Variants in IFITM10 observed in about 807,000 individuals in gnomAD.
IFITM10 encodes the protein interferon-induced transmembrane protein 10.
A neutral mutation model predicts 19.0 loss-of-function variants in IFITM10; 17 were observed. The observed-to-expected ratio is 0.90, with a 90% CI of 0.61 to 1.34. The LOEUF is 1.34. Among genes scored for constraint, IFITM10 ranks in the 40% most tolerant of loss-of-function variants. The probability of loss-of-function intolerance (pLI) is 0.00; values close to 1 mark genes in which losing one functional copy is unlikely to be tolerated. For synonymous variants in IFITM10, 148 were observed against 147.2 expected (o/e 1.01, Z -0.04); for missense variants, 306 against 319.8 (o/e 0.96, Z 0.33).
rs1851072004 is a variant in IFITM10 at position 1,735,156 on chromosome 11, T to C, written c.*124A>G. 1.8e-6 allele frequency: 2 copies of C among 1,083,104 alleles called. No homozygotes were observed. The highest frequency in any genetic ancestry group is 2.6e-6 in the Non-Finnish European group (2 of 761,906). 67.1% of individuals were successfully genotyped at this position (1,083,104 alleles called of 1,614,324 possible). ...ATGGCCTTGCTGCCCAGTTCACAGC[T>C]CAAGGGGGCCCCAGGACAAGAAGCC... On this transcript the variant is annotated 3_prime_UTR_variant, in exon 3 of 3. Transcript: ENST00000340134.
chr11:1,737,263 ATGTC>A (rs1408662204), intron 2 of IFITM10, among the ~76,000 whole-genome samples: 2 of 152,240 alleles, frequency 1.3e-5, no homozygotes, highest in African/African-American at 4.8e-5. Flanking sequence ...TTAAAATTGC[ATGTC>A]TAACTGATTT....
rs923485467 is a variant in IFITM10 at position 1,733,133 on chromosome 11, C to T, written c.*2147G>A. On this transcript the variant is annotated 3_prime_UTR_variant, in exon 3 of 3. Coordinates refer to ENST00000340134, the MANE Select transcript of IFITM10 (RefSeq NM_001170820.4). This position sits in a 1 kb window ranked among gnomAD's most constrained non-coding sequence, Gnocchi z 6.3. ...AAGCCTCTGGGTCTAATGGTGCAAG[C>T]ATCCGAAGTGCCCACAACCAGGCTG... 2 of 152,250 alleles carry T rather than the reference C, an allele frequency of 1.3e-5. No homozygotes were observed. The highest frequency in any genetic ancestry group is 4.8e-5 in the African/African-American group (2 of 41,392). The allele number at this position is 152,250 out of a possible 1,614,324, so 9.4% of individuals were successfully genotyped here. A position where few individuals can be genotyped will look rare whatever the true frequency, so the allele number is the denominator to read the frequency against.
Position 1,734,040 on chromosome 11 carries a change from T to C in IFITM10, c.*1240A>G, listed in dbSNP as rs1007292503. ...TGCGCACCTGAGCTGCGGGATTTCC[T>C]GCGGTTTCCCAGACCAGCTGGGCAC... On this transcript the variant is annotated 3_prime_UTR_variant, in exon 3 of 3. Transcript: ENST00000340134. 1 of 152,374 alleles carries C rather than the reference T, an allele frequency of 6.6e-6. No individual in the cohort carries two copies. The highest frequency in any genetic ancestry group is 1.5e-5 in the Non-Finnish European group (1 of 68,140). 9.4% of individuals were successfully genotyped at this position (152,374 alleles called of 1,614,324 possible).
At chr11:1,747,360 C>T (rs1353584996) in intron 2 of IFITM10, among the ~76,000 whole-genome samples, 1 of 152,140 alleles carries the variant, frequency 6.6e-6, no homozygotes, top group Admixed American at 6.5e-5. Flanking sequence ...CCCCGCCCCC[C>T]TCAACCCCCG....
At chr11:1,749,602 C>CT (rs1845695227) in intron 1 of IFITM10, among the ~76,000 whole-genome samples, 1 of 151,992 alleles carries the variant, frequency 6.6e-6, no homozygotes, top group African/African-American at 2.4e-5. Flanking sequence ...TGGGTCCTGC[C>CT]CTTCTGGCCT....
intron 1 of IFITM10, chr11:1,748,869 C>T (rs139701622): frequency 1.8e-4 from 33 of 181,246 alleles, no homozygotes; most frequent in African/African-American, 2.1e-4. Context: ...GAACACTTCT[C>T]CAACGAGGCA....
At chr11:1,745,411 G>A (rs532160396) in intron 2 of IFITM10, 14 of 152,418 alleles carry the variant, frequency 9.2e-5, no homozygotes, top group Admixed American at 7.8e-4. Flanking sequence ...ATTGGTCTGG[G>A]GAGCCACAGC....
chr11:1,740,214 C>T (rs1262957956), intron 2 of IFITM10, among the ~76,000 whole-genome samples: 3 of 144,116 alleles, frequency 2.1e-5, no homozygotes, highest in African/African-American at 5.3e-5. Context: ...GCAGGAGAAT[C>T]GCTTGAACTC....
At chr11:1,746,416 C>A (rs905622046) in intron 2 of IFITM10, 17 of 396,396 alleles carry the variant, frequency 4.3e-5, no homozygotes, top group African/African-American at 3.3e-4. Flanking sequence ...CACATAGTTA[C>A]ACTCACAGTA....
At chr11:1,740,832 G>A (rs552812268) in intron 2 of IFITM10, among the ~76,000 whole-genome samples, 1 of 152,206 alleles carries the variant, frequency 6.6e-6, no homozygotes, top group East Asian at 1.9e-4. Context: ...TGGCTCATGC[G>A]TGTAGATCTC....
chr11:1,735,108 C>T lies in IFITM10; in HGVS notation c.*172G>A. 1.6e-6 allele frequency: 1 copy of T among 639,368 alleles called. No individual in the cohort carries two copies. Among genetic ancestry groups the T allele is most frequent in the Admixed American group, 3.0e-5 (1 of 33,608 alleles). 39.6% of individuals were successfully genotyped at this position (639,368 alleles called of 1,614,324 possible). Reference sequence around the variant, plus strand: ...GTGGACTGAGGGCCAAGCTCACTGCCCCCTTGCTGTACTCAGCTTCTGATG... The same window carrying T: ...GTGGACTGAGGGCCAAGCTCACTGCTCCCTTGCTGTACTCAGCTTCTGATG... On this transcript the variant is annotated 3_prime_UTR_variant, in exon 3 of 3. Coordinates refer to ENST00000340134, the MANE Select transcript of IFITM10 (RefSeq NM_001170820.4).
At chr11:1,742,084 G>A (rs975186087) in intron 2 of IFITM10, among the ~76,000 whole-genome samples, 2 of 152,182 alleles carry the variant, frequency 1.3e-5, no homozygotes, top group African/African-American at 4.8e-5. Context: ...AGGCTGGACA[G>A]GCTCATGCCA....
intron 2 of IFITM10, chr11:1,746,461 C>T: frequency 2.5e-6 from 1 of 397,826 alleles, no homozygotes; most frequent in African/African-American, 2.1e-5. Context: ...TGAGTACACA[C>T]ATACACTGAC....
chr11:1,742,175 A>G (rs1311468194), intron 2 of IFITM10, among the ~76,000 whole-genome samples: 1 of 152,168 alleles, frequency 6.6e-6, no homozygotes, highest in Non-Finnish European at 1.5e-5. Context: ...GGAAGGTCAG[A>G]TGGTCAACGA....
chr11:1,749,319 C>A (rs922083227), intron 1 of IFITM10: 1 of 155,044 alleles, frequency 6.4e-6, no homozygotes, highest in Admixed American at 6.5e-5. Context: ...AAGCCGCGAC[C>A]CTGGGGAGTT....
chr11:1,735,841 T>C (rs1328628885), intron 2 of IFITM10, among the ~76,000 whole-genome samples: 2 of 152,178 alleles, frequency 1.3e-5, no homozygotes, highest in African/African-American at 4.8e-5. Flanking sequence ...AATTGGAGGA[T>C]GGGGCGACAC....
Position 1,735,390 on chromosome 11 carries a change from C to T in IFITM10, c.577G>A (p.Val193Met), listed in dbSNP as rs775713210. 5.2e-6 allele frequency: 8 copies of T among 1,551,560 alleles called. No individual in the cohort carries two copies. Among genetic ancestry groups the T allele is most frequent in the Admixed American group, 3.9e-5 (2 of 50,978 alleles). The change falls in exon 3 of 3, where the codon GTG becomes ATG. Residue 193 changes from valine (V) to methionine (M), a missense_variant. By Grantham distance (21) the Val-to-Met change is conservative (BLOSUM62 1). Coordinates refer to ENST00000340134, the MANE Select transcript of IFITM10 (RefSeq NM_001170820.4). ...KKLLNDLNGA[V>M]EDAKTARLFN... ...AGCCGGGCCGTCTTTGCATCCTCCA[C>T]GGCTCCATTCAGGTCATTGAGAAGC... is the stretch of plus-strand genomic sequence containing the variant.
At chr11:1,736,276 A>G (rs3740625) in intron 2 of IFITM10, among the ~76,000 whole-genome samples, 49,006 of 152,110 alleles carry the variant, frequency 0.32, 9,638 homozygotes, top group African/African-American at 0.55. Context: ...GGGGCTGACT[A>G]ATGCCTGGAT....
At chr11:1,742,992 T>C (rs894520359) in intron 2 of IFITM10, among the ~76,000 whole-genome samples, 1 of 122,104 alleles carries the variant, frequency 8.2e-6, no homozygotes, top group Non-Finnish European at 1.7e-5. Flanking sequence ...GATGGACATA[T>C]GGATGGATGA....
Sources: gnomAD v4.1 joint callset for allele counts (sites outside exome capture counted in the v4.1 genomes callset) on GRCh38, gnomAD v4.1.1 for gene constraint, Gnocchi (gnomAD v3.1) non-coding constraint, MANE v1.5 for transcripts, NCBI Gene and HGNC (gene_info 2026-07-23, HGNC 2026-07-21) for gene names.